Variants in PANK1 observed in about 807,000 individuals in gnomAD.
PANK1 encodes pantothenic acid kinase 1.
PANK1 carries 18 observed loss-of-function variants against 40.1 expected under a neutral mutation model. The observed-to-expected ratio is 0.45, with a 90% CI of 0.31 to 0.67. The LOEUF is 0.67. PANK1 is among the 30% of genes least tolerant of loss of function. The pLI is 0.06. For synonymous variants in PANK1, 242 were observed against 237.7 expected, an observed-to-expected ratio of 1.02 and a Z score of -0.17; for missense variants, 457 against 599.6, an observed-to-expected ratio of 0.76 and a Z score of 2.48.
chr10:89,634,502 A>G (rs557882186), intron 1 of PANK1, among the ~76,000 whole-genome samples: 60 of 152,330 alleles, frequency 3.9e-4, no homozygotes, highest in African/African-American at 1.3e-3. Context: ...TCATCTGCCA[A>G]AGGAAGATTC....
At chr10:89,641,673 A>G (rs1384293906) in intron 1 of PANK1, among the ~76,000 whole-genome samples, 1 of 149,524 alleles carries the variant, frequency 6.7e-6, no homozygotes, top group African/African-American at 2.4e-5. Flanking sequence ...CGGAGCTTGC[A>G]GTGAGCCAAG....
downstream of PANK1, chr10:89,579,876 C>T (rs1844022328): frequency 6.6e-6 from 1 of 152,214 alleles, no homozygotes; most frequent in African/African-American, 2.4e-5. Context: ...CATCGGATTG[C>T]ATCCTCAGTG....
At chr10:89,644,497 G>T in intron 1 of PANK1, 103 bp downstream of exon 1, 1 of 1,018,958 alleles carries the variant, frequency 9.8e-7, no homozygotes, top group Non-Finnish European at 1.4e-6. Context: ...CAGACGCGGG[G>T]GCGCACGGGG....
Position 89,599,420 on chromosome 10 carries a change from C to T in PANK1, c.731G>A (p.Gly244Asp). 2 of 1,613,670 alleles carry T rather than the reference C, an allele frequency of 1.2e-6. No individual in the cohort carries two copies. Among genetic ancestry groups the T allele is most frequent in the Non-Finnish European group, 1.7e-6 (2 of 1,179,584 alleles). Residue 244 changes from glycine to aspartate, a missense_variant, in exon 3 of 7, where the codon GGC (glycine) becomes GAC (aspartate). By Grantham distance (94) the Gly-to-Asp change is moderately conservative. Transcript: ENST00000307534. The part of the protein sequence containing the change: ...LLYVDSVGFN[G>D]KPECYYFENP... ...TTCAAAATAGTAACATTCTGGCTTG[C>T]CGTTGAAGCCAACAGAGTCGACATA...
At chr10:89,637,043 A>G (rs950137036) in intron 1 of PANK1, among the ~76,000 whole-genome samples, 1 of 150,664 alleles carries the variant, frequency 6.6e-6, no homozygotes, top group Non-Finnish European at 1.5e-5. Context: ...TATTTTTAGT[A>G]GAGACGGGGT....
In PANK1 at chr10:89,616,387, T is replaced by C. The variant is rs551671359; in HGVS notation, c.293-4339A>G. On this transcript the variant is annotated intron_variant, in intron 1 of 6. Coordinates refer to ENST00000307534, the MANE Select transcript of PANK1 (RefSeq NM_148977.3). ...TAAAAAATGGTAACAAACTAGATGT[T>C]CATCCATATGTAAATAAAATATGAC... 6.8e-4 allele frequency among the ~76,000 whole-genome samples: 104 copies of C among 152,348 alleles called. 2 individuals are homozygous for C. Among genetic ancestry groups the C allele is most frequent in the African/African-American group, 2.3e-3 (94 of 41,574 alleles).
At chr10:89,615,099 A>G (rs780574875) in intron 1 of PANK1, among the ~76,000 whole-genome samples, 19 of 152,342 alleles carry the variant, frequency 1.2e-4, no homozygotes, top group Non-Finnish European at 1.9e-4. Context: ...CTAGAGATCC[A>G]GGAAAAGGGA....
At chr10:89,621,913 C>T (rs1253298644) in intron 1 of PANK1, among the ~76,000 whole-genome samples, 1 of 152,166 alleles carries the variant, frequency 6.6e-6, no homozygotes, top group African/African-American at 2.4e-5. Context: ...GGGATTTTGC[C>T]ATGTTGGCCA....
At chr10:89,596,922 C>T (rs973252617) in intron 3 of PANK1, among the ~76,000 whole-genome samples, 2 of 152,158 alleles carry the variant, frequency 1.3e-5, no homozygotes, top group African/African-American at 4.8e-5. Flanking sequence ...ACTATTTCTT[C>T]CATTGACTTC....
At chr10:89,617,038 T>C (rs1008403633) in intron 1 of PANK1, among the ~76,000 whole-genome samples, 1 of 152,228 alleles carries the variant, frequency 6.6e-6, no homozygotes, top group Non-Finnish European at 1.5e-5. Context: ...ATTACAGGCA[T>C]GAGACCCTCC....
intron 1 of PANK1, among the ~76,000 whole-genome samples, chr10:89,628,573 A>C (rs1198199912): frequency 1.3e-5 from 2 of 152,212 alleles, no homozygotes; most frequent in Non-Finnish European, 2.9e-5. Flanking sequence ...GGAGGGGATA[A>C]AATATTATAA....
intron 1 of PANK1, among the ~76,000 whole-genome samples, chr10:89,615,734 C>T (rs12219790): frequency 0.15 from 23,032 of 152,086 alleles, 2,172 homozygotes; most frequent in East Asian, 0.45. Context: ...TATCTTACCT[C>T]CATGAAAAAT....
At chr10:89,601,885 G>C (rs1316357141) in intron 2 of PANK1, among the ~76,000 whole-genome samples, 1 of 152,188 alleles carries the variant, frequency 6.6e-6, no homozygotes, top group Non-Finnish European at 1.5e-5. Flanking sequence ...TATTTCCTCT[G>C]TTCTCCCTGA....
At chr10:89,595,163 G>A (rs1202484839) in intron 3 of PANK1, among the ~76,000 whole-genome samples, 1 of 152,306 alleles carries the variant, frequency 6.6e-6, no homozygotes, top group African/African-American at 2.4e-5. Context: ...CATCTAAAAC[G>A]AAACTGACCG....
intron 1 of PANK1, chr10:89,639,314 G>A: frequency 5.5e-6 from 2 of 361,490 alleles, no homozygotes; most frequent in South Asian, 2.1e-5. Context: ...CATACATGAG[G>A]GTGAAGCCCT....
In PANK1 at chr10:89,617,811, T is replaced by C. The variant is rs182208518; in HGVS notation, c.293-5763A>G. On this transcript the variant is annotated intron_variant, in intron 1 of 6. Coordinates refer to ENST00000307534, the MANE Select transcript of PANK1 (RefSeq NM_148977.3). Reference sequence around the variant, plus strand: ...AAGGAATTGAGGGCTTAATTCTTGGTATATGGAAATAAATTGGAATAAAAT... The same window carrying C: ...AAGGAATTGAGGGCTTAATTCTTGGCATATGGAAATAAATTGGAATAAAAT... Among the ~76,000 whole-genome samples, 20 of 152,326 alleles carry C rather than the reference T, an allele frequency of 1.3e-4. No individual in the cohort carries two copies. In the East Asian group the frequency reaches 3.7e-3, roughly 28 times the overall value.
At chr10:89,624,827 CT>C (rs1845611168) in intron 1 of PANK1, among the ~76,000 whole-genome samples, 1 of 152,188 alleles carries the variant, frequency 6.6e-6, no homozygotes, top group African/African-American at 2.4e-5. Flanking sequence ...CAAGGGGTCC[CT>C]GTAATTCTCA....
At chr10:89,604,359 G>A (rs1170524330) in intron 2 of PANK1, among the ~76,000 whole-genome samples, 1 of 152,116 alleles carries the variant, frequency 6.6e-6, no homozygotes, top group African/African-American at 2.4e-5. Flanking sequence ...TTGCAATAAA[G>A]CAAGTCACAT....
intron 1 of PANK1, among the ~76,000 whole-genome samples, chr10:89,615,249 C>G (rs1589794363): frequency 2.0e-5 from 3 of 152,328 alleles, no homozygotes; most frequent in East Asian, 3.9e-4. Flanking sequence ...CAATCTAGTT[C>G]TGTACCAGAA....
Sources: allele counts gnomAD v4.1 joint callset (sites outside exome capture counted in the v4.1 genomes callset), GRCh38; gene constraint gnomAD v4.1.1; transcripts MANE v1.5; gene names NCBI Gene and HGNC (gene_info 2026-07-23, HGNC 2026-07-21).